Variants in USH2A observed in about 807,000 individuals in gnomAD.
USH2A encodes Usher syndrome 2A (autosomal recessive, mild).
A neutral mutation model predicts 538.9 loss-of-function variants in USH2A; 443 were observed. The observed-to-expected ratio is 0.82, with a 90% confidence interval of 0.76 to 0.89. The LOEUF is 0.89. Ranked by LOEUF, USH2A falls within the 40% of genes least tolerant of loss-of-function variation. USH2A has a pLI of 0.00. For missense variants in USH2A, 6,633 were observed against 6,324.8 expected (o/e 1.05, Z -1.65); for synonymous variants, 2,413 against 2,273.5 (o/e 1.06, Z -1.75).
At chr1:215,639,066 T>C (rs1656591146) in intron 69 of USH2A, 89 bp downstream of exon 69, 4 of 1,225,456 alleles carry the variant, frequency 3.3e-6, no homozygotes, top group South Asian at 1.2e-5. Flanking sequence ...GCTAATATAT[T>C]AGGACTCCAA....
chr1:216,042,949 A>G (rs1029904829), intron 32 of USH2A, among the ~76,000 whole-genome samples: 1 of 152,092 alleles, frequency 6.6e-6, no homozygotes, highest in East Asian at 1.9e-4. Flanking sequence ...AGCCACGGAA[A>G]GAGACTCAGG....
At chr1:215,759,278 A>G (rs1277685381) in intron 57 of USH2A, among the ~76,000 whole-genome samples, 1 of 152,198 alleles carries the variant, frequency 6.6e-6, no homozygotes, top group East Asian at 1.9e-4. Context: ...TATGTGGTGT[A>G]GCAAGTAGAG....
chr1:216,176,284 G>T (rs1339972677), intron 20 of USH2A, among the ~76,000 whole-genome samples: 1 of 151,938 alleles, frequency 6.6e-6, no homozygotes, highest in Non-Finnish European at 1.5e-5. Flanking sequence ...GAGTGCAGTG[G>T]CTATGCACAG....
intron 49 of USH2A, among the ~76,000 whole-genome samples, chr1:215,803,621 A>G (rs1449631879): frequency 1.3e-5 from 2 of 152,194 alleles, no homozygotes; most frequent in African/African-American, 4.8e-5. Flanking sequence ...GCACTGCTCA[A>G]TGAAATAAAA....
At chr1:216,140,571 ATGTTTTGAG>A (rs2033583538) in intron 21 of USH2A, among the ~76,000 whole-genome samples, 1 of 152,170 alleles carries the variant, frequency 6.6e-6, no homozygotes, top group Non-Finnish European at 1.5e-5. Flanking sequence ...ATTTGATCTC[ATGTTTTGAG>A]TTCTGAGATA....
At chr1:216,122,527 C>A (rs550693575) in intron 21 of USH2A, among the ~76,000 whole-genome samples, 9 of 152,090 alleles carry the variant, frequency 5.9e-5, no homozygotes, top group Non-Finnish European at 1.3e-4. Flanking sequence ...AGCCAGGCAG[C>A]AATACTGGTT....
At chr1:215,819,840 TA>T (rs764441824) in intron 47 of USH2A, among the ~76,000 whole-genome samples, 11 of 151,786 alleles carry the variant, frequency 7.2e-5, no homozygotes, top group Non-Finnish European at 1.5e-4. Flanking sequence ...GGAAAATGAT[TA>T]AGAAGAGTAT....
At chr1:216,376,454 A>G (rs1011913691) in intron 3 of USH2A, among the ~76,000 whole-genome samples, 2 of 149,974 alleles carry the variant, frequency 1.3e-5, no homozygotes, top group Non-Finnish European at 1.5e-5. Flanking sequence ...AGGTTACTCC[A>G]AGCCTTCTAT....
chr1:215,760,496 A>G (rs1464374983), intron 56 of USH2A, among the ~76,000 whole-genome samples: 1 of 152,148 alleles, frequency 6.6e-6, no homozygotes, highest in Non-Finnish European at 1.5e-5. Flanking sequence ...AAGACCCCCA[A>G]AGGCATATCT....
chr1:215,890,051 T>G (rs1378823859), intron 40 of USH2A, among the ~76,000 whole-genome samples: 2 of 152,178 alleles, frequency 1.3e-5, no homozygotes, highest in Non-Finnish European at 2.9e-5. Flanking sequence ...AGCAAGAACA[T>G]GGTGCAATAA....
At chr1:215,768,730 G>A (rs1661198953) in intron 55 of USH2A, among the ~76,000 whole-genome samples, 1 of 152,144 alleles carries the variant, frequency 6.6e-6, no homozygotes, top group Non-Finnish European at 1.5e-5. Flanking sequence ...TGGCAAACTC[G>A]TTTAGCTCGA....
At chr1:216,420,413 A>C (rs945711196) in intron 2 of USH2A, among the ~76,000 whole-genome samples, 17 of 152,140 alleles carry the variant, frequency 1.1e-4, no homozygotes, top group Admixed American at 1.1e-3. Flanking sequence ...CTGAATAAAC[A>C]ATAATTGGAT....
chr1:215,775,753 A>T (rs1661444533), intron 55 of USH2A, among the ~76,000 whole-genome samples: 2 of 152,242 alleles, frequency 1.3e-5, no homozygotes, highest in Admixed American at 1.3e-4. Flanking sequence ...CTGTTTCAGT[A>T]TAACATTAGT....
At chr1:215,732,236 G>T (rs576086465) in intron 60 of USH2A, among the ~76,000 whole-genome samples, 1 of 152,162 alleles carries the variant, frequency 6.6e-6, no homozygotes. Context: ...CAAGTTTTTG[G>T]TGTGAGTAGA....
intron 60 of USH2A, among the ~76,000 whole-genome samples, chr1:215,736,582 T>G (rs2102721334): frequency 6.6e-6 from 1 of 152,082 alleles, no homozygotes; most frequent in East Asian, 1.9e-4. Flanking sequence ...CTGGAAGAAA[T>G]AATTAATGTG....
chr1:215,971,309 A>G (rs2102458936), intron 35 of USH2A, among the ~76,000 whole-genome samples: 1 of 152,296 alleles, frequency 6.6e-6, no homozygotes, highest in South Asian at 2.1e-4. Context: ...CTGGCTTCCT[A>G]CTGCACATTG....
At chr1:215,753,838 T>G (rs1412632144) in intron 58 of USH2A, among the ~76,000 whole-genome samples, 1 of 152,066 alleles carries the variant, frequency 6.6e-6, no homozygotes, top group East Asian at 1.9e-4. Flanking sequence ...AAAAAAAATA[T>G]TCTCCCAGAA....
intron 61 of USH2A, among the ~76,000 whole-genome samples, chr1:215,703,297 C>T (rs766186901): frequency 1.2e-4 from 19 of 152,292 alleles, no homozygotes; most frequent in African/African-American, 3.1e-4. Flanking sequence ...GGGTCAGGGA[C>T]GCACTTGAGG....
chr1:216,113,166 AAAGT>A (rs1477143002), intron 21 of USH2A, among the ~76,000 whole-genome samples: 1 of 151,464 alleles, frequency 6.6e-6, no homozygotes, highest in Non-Finnish European at 1.5e-5. Context: ...ACAAAACAAG[AAAGT>A]AATATCCACC....
Sources: allele counts gnomAD v4.1 joint callset (sites outside exome capture counted in the v4.1 genomes callset), GRCh38; gene constraint gnomAD v4.1.1; transcripts MANE v1.5; gene names NCBI Gene and HGNC (gene_info 2026-07-23, HGNC 2026-07-21).